The following KIAA1328 variants were observed in gnomAD, a reference collection of about 807,000 sequenced individuals.
KIAA1328 encodes KIAA1328.
Under a neutral mutation model 68.1 loss-of-function variants are expected in KIAA1328, and 52 were observed. That is an observed-to-expected ratio of 0.76 (90% CI 0.61 to 0.96). The LOEUF is 0.96. Ranked by LOEUF, KIAA1328 falls within the 40% of genes least tolerant of loss-of-function variation. KIAA1328 has a pLI of 0.00. For synonymous variants in KIAA1328, 232 were observed against 239.4 expected (o/e 0.97, Z 0.28); for missense variants, 641 against 677.6 (o/e 0.95, Z 0.60).
intron 7 of KIAA1328, among the ~76,000 whole-genome samples, chr18:37,119,130 G>T (rs2058201363): frequency 6.6e-6 from 1 of 152,204 alleles, no homozygotes. Context: ...CACTCTGTAA[G>T]TCCATGGATG....
At chr18:37,130,118 T>C (rs976181280) in intron 7 of KIAA1328, among the ~76,000 whole-genome samples, 18 of 152,030 alleles carry the variant, frequency 1.2e-4, no homozygotes, top group Non-Finnish European at 2.1e-4. Flanking sequence ...AATTAAGAAA[T>C]AGAGGTTTAT....
intron 8 of KIAA1328, among the ~76,000 whole-genome samples, chr18:37,161,554 G>A (rs925154568): frequency 6.6e-6 from 1 of 152,160 alleles, no homozygotes; most frequent in African/African-American, 2.4e-5. Context: ...TTTAGACATT[G>A]CTTCCAAAAA....
intron 5 of KIAA1328, among the ~76,000 whole-genome samples, chr18:36,909,134 CT>C (rs1298857311): frequency 2.0e-5 from 3 of 151,692 alleles, no homozygotes; most frequent in Non-Finnish European, 4.4e-5. Context: ...AGCTAATATG[CT>C]TTTTTTTATT....
chr18:36,914,207 A>AGC (rs1387425417), intron 5 of KIAA1328, among the ~76,000 whole-genome samples: 1 of 152,162 alleles, frequency 6.6e-6, no homozygotes, highest in Non-Finnish European at 1.5e-5. Context: ...CAAGAAACAA[A>AGC]GCCTGCTCAG....
At chr18:37,055,342 T>C (rs1599101134) in intron 6 of KIAA1328, among the ~76,000 whole-genome samples, 1 of 152,224 alleles carries the variant, frequency 6.6e-6, no homozygotes, top group Admixed American at 6.5e-5. Flanking sequence ...TTATAAATAA[T>C]TCATGAATTA....
At chr18:36,938,643 A>G (rs143129802) in intron 5 of KIAA1328, among the ~76,000 whole-genome samples, 3 of 152,174 alleles carry the variant, frequency 2.0e-5, no homozygotes, top group African/African-American at 4.8e-5. Flanking sequence ...TTTGATGTCA[A>G]ATCCAGGAAT....
Position 37,163,484 on chromosome 18 carries a change from G to C in KIAA1328, c.1414+3103G>C, listed in dbSNP as rs568505490. 1.0e-3 allele frequency among the ~76,000 whole-genome samples: 155 copies of C among 152,158 alleles called. 2 individuals are homozygous for C. The highest frequency in any genetic ancestry group is 3.7e-3 in the African/African-American group (153 of 41,506). On this transcript the variant is annotated intron_variant, in intron 8 of 9. Transcript: ENST00000280020. ...TTGTGCCCTTCATTTTGTCTTTGGGGTTTTCTTAGGTTATATGATTTTATA... is the reference window on the plus strand; with the variant it reads ...TTGTGCCCTTCATTTTGTCTTTGGGCTTTTCTTAGGTTATATGATTTTATA...
intron 6 of KIAA1328, among the ~76,000 whole-genome samples, chr18:37,025,553 C>G (rs1316137234): frequency 6.6e-6 from 1 of 152,110 alleles, no homozygotes; most frequent in African/African-American, 2.4e-5. Flanking sequence ...CAAACTAGAG[C>G]TCAGGATTAA....
intron 9 of KIAA1328, among the ~76,000 whole-genome samples, chr18:37,188,048 A>C (rs2059837236): frequency 6.6e-6 from 1 of 152,370 alleles, no homozygotes; most frequent in South Asian, 2.1e-4. Context: ...AAAGATGCCC[A>C]GTTGGTTTTG....
intron 6 of KIAA1328, among the ~76,000 whole-genome samples, chr18:37,043,119 T>C (rs1013832188): frequency 6.6e-6 from 1 of 152,208 alleles, no homozygotes; most frequent in African/African-American, 2.4e-5. Context: ...TTTATTGAGA[T>C]TGTCTATTTG....
intron 9 of KIAA1328, among the ~76,000 whole-genome samples, chr18:37,196,566 C>G (rs1475330570): frequency 6.6e-6 from 1 of 152,096 alleles, no homozygotes; most frequent in Non-Finnish European, 1.5e-5. Flanking sequence ...ATCCTTGATT[C>G]TGTTGACGTG....
At chr18:37,123,551 A>G (rs1599354350) in intron 7 of KIAA1328, among the ~76,000 whole-genome samples, 1 of 152,326 alleles carries the variant, frequency 6.6e-6, no homozygotes, top group African/African-American at 2.4e-5. Flanking sequence ...AAGGATGGAC[A>G]TAAGAGAGTT....
chr18:36,882,680 A>G (rs1217938060), intron 4 of KIAA1328, among the ~76,000 whole-genome samples: 2 of 152,244 alleles, frequency 1.3e-5, no homozygotes, highest in East Asian at 3.8e-4. Context: ...AGCAACAAAT[A>G]TTTCAAACAT....
intron 9 of KIAA1328, among the ~76,000 whole-genome samples, chr18:37,212,737 C>T (rs2154220377): frequency 6.6e-6 from 1 of 152,106 alleles, no homozygotes; most frequent in East Asian, 1.9e-4. Context: ...TTATTATTTT[C>T]TGAGATGGAG....
At chr18:37,142,512 A>T (rs1207950493) in intron 7 of KIAA1328, among the ~76,000 whole-genome samples, 1 of 152,074 alleles carries the variant, frequency 6.6e-6, no homozygotes, top group African/African-American at 2.4e-5. Context: ...TTTTCCATAC[A>T]GATATTCTGT....
intron 7 of KIAA1328, among the ~76,000 whole-genome samples, chr18:37,077,545 C>T (rs2056785596): frequency 6.6e-6 from 1 of 151,850 alleles, no homozygotes; most frequent in Admixed American, 6.6e-5. Flanking sequence ...GTCAAATTGT[C>T]CCTGTTTGCA....
At chr18:37,164,918 C>T (rs1250528312) in intron 8 of KIAA1328, among the ~76,000 whole-genome samples, 1 of 152,138 alleles carries the variant, frequency 6.6e-6, no homozygotes, top group Non-Finnish European at 1.5e-5. Context: ...CGTGTAACCA[C>T]TACCCCAATT....
chr18:36,902,217 T>G (rs2049062661), intron 5 of KIAA1328: 3 of 151,844 alleles, frequency 2.0e-5, no homozygotes, highest in African/African-American at 7.2e-5. Context: ...CATCTCTTTA[T>G]AAAGCTATTT....
intron 7 of KIAA1328, among the ~76,000 whole-genome samples, chr18:37,124,838 C>G (rs777272417): frequency 6.6e-6 from 1 of 152,162 alleles, no homozygotes; most frequent in Non-Finnish European, 1.5e-5. Flanking sequence ...TCCCTACATT[C>G]TTACATGACT....
Sources: gnomAD v4.1 joint callset for allele counts (sites outside exome capture counted in the v4.1 genomes callset) on GRCh38, gnomAD v4.1.1 for gene constraint, MANE v1.5 for transcripts, NCBI Gene and HGNC (gene_info 2026-07-23, HGNC 2026-07-21) for gene names.